The following MIS18A variants were observed in gnomAD, a reference collection of about 807,000 sequenced individuals.
MIS18A encodes protein Mis18-alpha.
In MIS18A, 14 loss-of-function variants were observed where a neutral mutation model predicts 25.0. The ratio of observed to expected loss-of-function variants is 0.56; its 90% CI spans 0.37 to 0.88. The LOEUF (loss-of-function observed/expected upper bound fraction) is 0.88, where lower values mean the gene tolerates loss of function less well. MIS18A is among the 40% of genes least tolerant of loss of function. MIS18A has a pLI of 0.00. For synonymous variants in MIS18A, 134 were observed against 118.6 expected (o/e 1.13, Z -0.84); for missense variants, 292 against 290.8 (o/e 1.00, Z -0.03).
the MIS18A span, among the ~76,000 whole-genome samples, chr21:32,256,437 G>A: frequency 3.9e-5 from 6 of 152,208 alleles, no homozygotes; most frequent in African/African-American, 1.2e-4. Flanking sequence ...GTCACACTCC[G>A]GTAGCTAAGG....
the MIS18A span, among the ~76,000 whole-genome samples, chr21:32,245,834 C>A: frequency 6.6e-6 from 1 of 152,230 alleles, no homozygotes; most frequent in Non-Finnish European, 1.5e-5. Flanking sequence ...TGCCCCTGGA[C>A]ACCTGTGTTA....
chr21:32,226,896 C>A, the MIS18A span, among the ~76,000 whole-genome samples: 6 of 152,128 alleles, frequency 3.9e-5, no homozygotes, highest in African/African-American at 1.4e-4. Flanking sequence ...TGTTCTCCAA[C>A]CATAATGAAA....
the MIS18A span, among the ~76,000 whole-genome samples, chr21:32,177,005 G>T: frequency 6.6e-6 from 1 of 151,942 alleles, no homozygotes; most frequent in Non-Finnish European, 1.5e-5. Flanking sequence ...GAAAGAGAGA[G>T]AAAAAAAATT....
the MIS18A span, among the ~76,000 whole-genome samples, chr21:32,191,567 G>A: frequency 6.6e-6 from 1 of 152,046 alleles, no homozygotes; most frequent in African/African-American, 2.4e-5. Context: ...CTAGGTGACA[G>A]AGCAAGACCC....
At chr21:32,221,212 G>C in the MIS18A span, among the ~76,000 whole-genome samples, 1 of 151,872 alleles carries the variant, frequency 6.6e-6, no homozygotes, top group African/African-American at 2.4e-5. Context: ...AGGAAAAAAT[G>C]TTAAGGGCAA....
the MIS18A span, among the ~76,000 whole-genome samples, chr21:32,259,051 C>T: frequency 6.6e-6 from 1 of 151,548 alleles, no homozygotes; most frequent in Admixed American, 6.6e-5. Context: ...TTAATTTTTT[C>T]GTAGAGTCTT....
At chr21:32,160,315 C>T in the MIS18A span, among the ~76,000 whole-genome samples, 16 of 151,436 alleles carry the variant, frequency 1.1e-4, no homozygotes, top group South Asian at 6.3e-4. Flanking sequence ...CACACACACA[C>T]ACACACACAC....
chr21:32,200,567 G>A, the MIS18A span, among the ~76,000 whole-genome samples: 5,628 of 151,928 alleles, frequency 0.037, 154 homozygotes, highest in Middle Eastern at 0.12. Context: ...CCGAGTAGCT[G>A]GGACTACAGG....
the MIS18A span, among the ~76,000 whole-genome samples, chr21:32,253,132 C>T: frequency 6.6e-6 from 1 of 151,976 alleles, no homozygotes; most frequent in Non-Finnish European, 1.5e-5. Context: ...GGGGCCACTC[C>T]ATAGAACACC....
the MIS18A span, among the ~76,000 whole-genome samples, chr21:32,178,548 A>G: frequency 6.6e-6 from 1 of 152,210 alleles, no homozygotes; most frequent in African/African-American, 2.4e-5. Flanking sequence ...TTATTTCTTT[A>G]GCATTTTGAA....
the MIS18A span, among the ~76,000 whole-genome samples, chr21:32,187,033 A>T: frequency 3.9e-5 from 6 of 152,210 alleles, no homozygotes; most frequent in Non-Finnish European, 4.4e-5. Flanking sequence ...AACTCCTGGC[A>T]GGTCCTGCGA....
chr21:32,277,588 G>A (rs1439891765), intron 1 of MIS18A, among the ~76,000 whole-genome samples: 2 of 152,230 alleles, frequency 1.3e-5, no homozygotes, highest in African/African-American at 2.4e-5. Flanking sequence ...GAGTGGCTAG[G>A]ATTACAGGCG....
chr21:32,173,893 T>C, the MIS18A span, among the ~76,000 whole-genome samples: 1 of 151,866 alleles, frequency 6.6e-6, no homozygotes, highest in South Asian at 2.1e-4. Context: ...CTGAATTTTA[T>C]ACTGTGAAGT....
the MIS18A span, among the ~76,000 whole-genome samples, chr21:32,212,767 T>G: frequency 2.0e-5 from 3 of 152,198 alleles, no homozygotes; most frequent in Non-Finnish European, 4.4e-5. Flanking sequence ...CTCAAGGTAG[T>G]GAAAAAGTCT....
chr21:32,199,985 A>C, the MIS18A span, among the ~76,000 whole-genome samples: 2 of 152,240 alleles, frequency 1.3e-5, no homozygotes, highest in Non-Finnish European at 2.9e-5. Flanking sequence ...TGGGGTTTGC[A>C]GCAAGGCGGG....
the MIS18A span, among the ~76,000 whole-genome samples, chr21:32,249,586 T>C: frequency 6.6e-6 from 1 of 152,200 alleles, no homozygotes; most frequent in African/African-American, 2.4e-5. Context: ...TTTATGGGGC[T>C]GTGTTAGTCC....
chr21:32,194,398 G>A, the MIS18A span, among the ~76,000 whole-genome samples: 4 of 152,048 alleles, frequency 2.6e-5, no homozygotes, highest in Non-Finnish European at 5.9e-5. Context: ...GGTGGCTCAC[G>A]CCTATAATCC....
the MIS18A span, among the ~76,000 whole-genome samples, chr21:32,234,766 A>G: frequency 6.6e-6 from 1 of 152,102 alleles, no homozygotes; most frequent in African/African-American, 2.4e-5. Flanking sequence ...CTGAGGCCTC[A>G]CTAGAAGCCC....
At chr21:32,269,647 A>G in intron 4 of MIS18A, 60 bp downstream of exon 4, 1 of 949,032 alleles carries the variant, frequency 1.1e-6, no homozygotes, top group Non-Finnish European at 1.7e-6. Flanking sequence ...TTTGTGGGGG[A>G]GCACTTCTTC....
Sources: allele counts gnomAD v4.1 joint callset (sites outside exome capture counted in the v4.1 genomes callset), GRCh38; gene constraint gnomAD v4.1.1; transcripts MANE v1.5; gene names NCBI Gene and HGNC (gene_info 2026-07-23, HGNC 2026-07-21).